Variants in KCNC1 observed in about 807,000 individuals in gnomAD.
KCNC1 encodes potassium voltage-gated channel subfamily C member 1, also known as voltage-gated potassium channel KCNC1.
A neutral mutation model predicts 43.4 loss-of-function variants in KCNC1; 8 were observed. The observed-to-expected ratio is 0.18, with a 90% CI of 0.11 to 0.33. KCNC1 has a LOEUF of 0.33. Among genes scored for constraint, KCNC1 ranks in the 10% least tolerant of loss-of-function variants. The probability of loss-of-function intolerance (pLI) is 1.00; values close to 1 mark genes in which losing one functional copy is unlikely to be tolerated. For synonymous variants in KCNC1, 361 were observed against 360.5 expected (o/e 1.00, Z -0.01); for missense variants, 420 against 836.0 (o/e 0.50, Z 6.14).
chr11:17,761,499 C>T (rs889518749), intron 1 of KCNC1, among the ~76,000 whole-genome samples: 4 of 152,224 alleles, frequency 2.6e-5, no homozygotes, highest in African/African-American at 9.6e-5. Flanking sequence ...TTCTTCCACA[C>T]CCCTCAATGT....
intron 1 of KCNC1, among the ~76,000 whole-genome samples, chr11:17,741,816 C>T (rs1162162845): frequency 2.6e-5 from 4 of 152,204 alleles, no homozygotes; most frequent in African/African-American, 4.8e-5. Context: ...TGCCTCAGGG[C>T]CTTTGCACAT....
At chr11:17,741,807 G>A (rs1020647681) in intron 1 of KCNC1, among the ~76,000 whole-genome samples, 4 of 152,136 alleles carry the variant, frequency 2.6e-5, no homozygotes, top group African/African-American at 9.7e-5. Flanking sequence ...AGGTTCCCCT[G>A]CCTCAGGGCC....
rs79479092 is a variant in KCNC1 at position 17,749,770 on chromosome 11, C to T, written c.570+13198C>T. On this transcript the variant is annotated intron_variant, in intron 1 of 3. Transcript: ENST00000265969. ...ATGCAGTGAGCTCCCTGCAAGCTGC[C>T]GTGGGTGCTTCTGCCCTGACCCCTG... Among the ~76,000 whole-genome samples the T allele has an allele frequency of 2.7e-3, 408 of 152,304 alleles. 3 individuals carry two copies. Among genetic ancestry groups the T allele is most frequent in the African/African-American group, 9.5e-3 (394 of 41,566 alleles).
intron 1 of KCNC1, among the ~76,000 whole-genome samples, chr11:17,765,277 A>G (rs1849135609): frequency 6.6e-6 from 1 of 152,114 alleles, no homozygotes; most frequent in South Asian, 2.1e-4. Flanking sequence ...ACAGCTCCCC[A>G]AGGCGAACCC....
Position 17,734,832 on chromosome 11 carries a change from G to T in KCNC1, c.-1171G>T. On this transcript the variant is annotated 5_prime_UTR_variant, in exon 1 of 4. Coordinates refer to ENST00000265969, the MANE Select transcript of KCNC1 (RefSeq NM_001112741.2). ...CGAGCAGCAAGCGGAGCAGCAGCCCGGGCGGCAGCAGCGTCGCGGCGGCGG... is the reference window on the plus strand; with the variant it reads ...CGAGCAGCAAGCGGAGCAGCAGCCCTGGCGGCAGCAGCGTCGCGGCGGCGG... The T allele has an allele frequency of 6.6e-6, 1 of 150,806 alleles. No individual in the cohort carries two copies. The highest frequency in any genetic ancestry group is 1.9e-4 in the South Asian group (1 of 5,202). The allele number at this position is 150,806 out of a possible 1,614,324, so 9.3% of individuals were successfully genotyped here. A position where few individuals can be genotyped will look rare whatever the true frequency, so the allele number is the denominator to read the frequency against.
chr11:17,747,095 A>T (rs1434246882), intron 1 of KCNC1, among the ~76,000 whole-genome samples: 1 of 152,064 alleles, frequency 6.6e-6, no homozygotes, highest in Non-Finnish European at 1.5e-5. Context: ...CTACTATCAG[A>T]TGCTTCTCCT....
intron 2 of KCNC1, chr11:17,775,082 G>T: frequency 3.0e-6 from 3 of 985,520 alleles, no homozygotes; most frequent in Non-Finnish European, 2.4e-6. Context: ...GGGAGAGTGA[G>T]GGGGAGGCCA....
chr11:17,736,696 G>A lies in KCNC1; in HGVS notation c.570+124G>A. On this transcript the variant is annotated intron_variant, in intron 1 of 3. Transcript: ENST00000265969. This position sits in a 1 kb window ranked among gnomAD's most constrained non-coding sequence, Gnocchi z 9.3. The stretch of plus-strand genomic sequence containing the variant: ...TTCAGAATCGAAAGGGGGTGTGTGC[G>A]CATGTGTGCACGTACCAGGGTAAGA... The A allele has an allele frequency of 7.2e-7, 1 of 1,395,984 alleles. No individual in the cohort carries two copies. The highest frequency in any genetic ancestry group is 9.4e-7 in the Non-Finnish European group (1 of 1,065,588). The allele number at this position is 1,395,984 out of a possible 1,614,324, so 86.5% of individuals were successfully genotyped here.
rs200097310 is a variant in KCNC1 at position 17,736,494 on chromosome 11, G to C, written c.492G>C (p.Arg164=). The change falls in exon 1 of 4, where the codon CGG becomes CGC. Residue 164 remains arginine, a synonymous_variant. Coordinates refer to ENST00000265969, the MANE Select transcript of KCNC1 (RefSeq NM_001112741.2). This position sits in a 1 kb window ranked among gnomAD's most constrained non-coding sequence, Gnocchi z 9.3. The part of the protein sequence containing the change: ...RLALSDSPDG[R]PGGFWRRWQP... ...CGCTCAGTGACTCCCCGGATGGCCG[G>C]CCTGGCGGCTTTTGGCGCCGCTGGC... The C allele has an allele frequency of 1.1e-5, 18 of 1,593,690 alleles. No individual in the cohort carries two copies. In the East Asian group the frequency reaches 3.8e-4, roughly 34 times the overall value.
At position 17,772,545 on chromosome 11, in the gene KCNC1, A is replaced by G. The variant is rs770586397; in HGVS notation, c.1451A>G (p.Gln484Arg). The change falls in exon 2 of 4, where the codon CAG becomes CGG. Residue 484 changes from glutamine (Q) to arginine (R), a missense_variant. This residue lies in a region of KCNC1 where 147 missense variants were observed against 176.1 expected (regional missense o/e 0.83). Transcript: ENST00000265969. ...SVVNSPHHST[Q>R]SDTCPLAQEE... ...GTAAACTCTCCACACCACAGTACTC[A>G]GAGTGACACATGTCCGCTGGCCCAG... 5.8e-5 allele frequency: 93 copies of G among 1,614,028 alleles called. No individual in the cohort carries two copies. Among genetic ancestry groups the G allele is most frequent in the Non-Finnish European group, 7.5e-5 (89 of 1,179,962 alleles).
At chr11:17,740,008 G>T (rs1180983540) in intron 1 of KCNC1, among the ~76,000 whole-genome samples, 1 of 152,228 alleles carries the variant, frequency 6.6e-6, no homozygotes, top group Non-Finnish European at 1.5e-5. Flanking sequence ...CCTCAGTAGA[G>T]ATGCTTTTCT....
intron 1 of KCNC1, among the ~76,000 whole-genome samples, chr11:17,760,792 C>A (rs996107780): frequency 6.6e-6 from 1 of 152,222 alleles, no homozygotes; most frequent in Admixed American, 6.5e-5. Flanking sequence ...AGACCTCAGG[C>A]AAGATTCTTT....
rs1849320395 is a variant in KCNC1, at chr11:17,779,327, C to G, written c.1505-129C>G. The G allele has an allele frequency of 1.4e-6, 1 of 739,490 alleles. No individual in the cohort carries two copies. Among genetic ancestry groups the G allele is most frequent in the Admixed American group, 3.3e-5 (1 of 29,946 alleles). 45.8% of individuals were successfully genotyped at this position (739,490 alleles called of 1,614,324 possible). On this transcript the variant is annotated intron_variant, in intron 2 of 3. Transcript: ENST00000265969. This position sits in a 1 kb window ranked among gnomAD's most constrained non-coding sequence, Gnocchi z 7.2. ...CCTTGTGCCCTCCTCGCTCCACAGC[C>G]TGCCCGCTTTTCCGTCCTCAGGGAC...
intron 1 of KCNC1, among the ~76,000 whole-genome samples, chr11:17,768,622 G>GGA (rs1554991062): frequency 1.3e-5 from 2 of 150,736 alleles, no homozygotes; most frequent in East Asian, 1.9e-4. Context: ...TGGGGGGGGG[G>GGA]GCGGTTTGGG....
intron 1 of KCNC1, among the ~76,000 whole-genome samples, chr11:17,740,466 C>G (rs1848825373): frequency 6.6e-6 from 1 of 152,064 alleles, no homozygotes; most frequent in African/African-American, 2.4e-5. Flanking sequence ...GGTGTGAGAG[C>G]AGGCAGGGGA....
Position 17,736,631 on chromosome 11 carries a change from CCG to C in KCNC1, c.570+62_570+63del. 6.9e-7 allele frequency: 1 copy of C among 1,447,218 alleles called. No homozygotes were observed. Among genetic ancestry groups the C allele is most frequent in the Non-Finnish European group, 9.0e-7 (1 of 1,107,136 alleles). 89.6% of individuals were successfully genotyped at this position (1,447,218 alleles called of 1,614,324 possible). ...CGGGAAGGCAGCGTCCTGTGCCTCCCCGCGGGCAGGGGTGGACCGGAGAACTG... is the reference window on the plus strand; with the variant it reads ...CGGGAAGGCAGCGTCCTGTGCCTCCCCGGGCAGGGGTGGACCGGAGAACTG... On this transcript the variant is annotated intron_variant, in intron 1 of 3. Transcript: ENST00000265969. The surrounding 1 kb of genome is among the most constrained non-coding windows in gnomAD (Gnocchi z 9.3).
Position 17,772,328 on chromosome 11 carries a change from T to A in KCNC1, c.1234T>A (p.Ser412Thr). The change falls in exon 2 of 4, where the codon TCC (serine) becomes ACC (threonine). Residue 412 changes from serine (S) to threonine (T), a missense_variant. By Grantham distance (58) the Ser-to-Thr change is moderately conservative. Coordinates refer to ENST00000265969, the MANE Select transcript of KCNC1 (RefSeq NM_001112741.2). ...GYGDMYPQTW[S>T]GMLVGALCAL... ...TGGAGACATGTACCCGCAGACGTGG[T>A]CCGGCATGCTGGTGGGGGCTCTGTG... 6.2e-7 allele frequency: 1 copy of A among 1,614,158 alleles called. No homozygotes were observed. Among genetic ancestry groups the A allele is most frequent in the Non-Finnish European group, 8.5e-7 (1 of 1,180,032 alleles).
intron 1 of KCNC1, among the ~76,000 whole-genome samples, chr11:17,762,289 G>A (rs748688937): frequency 2.0e-5 from 3 of 152,302 alleles, no homozygotes; most frequent in Middle Eastern, 3.4e-3. Flanking sequence ...AGCAGTTCCC[G>A]TTCCATGACT....
intron 2 of KCNC1, chr11:17,774,442 T>A (rs1416346273): frequency 1.0e-6 from 1 of 985,362 alleles, no homozygotes; most frequent in Admixed American, 6.2e-5. Context: ...CAGTCAAGAA[T>A]CCCCAGTGCT....
Sources: gnomAD v4.1 joint callset for allele counts (sites outside exome capture counted in the v4.1 genomes callset) on GRCh38, gnomAD v4.1.1 for gene constraint, gnomAD v4.1.1 regional missense constraint, Gnocchi (gnomAD v3.1) non-coding constraint, MANE v1.5 for transcripts, NCBI Gene and HGNC (gene_info 2026-07-23, HGNC 2026-07-21) for gene names.